FAF2: variants seen among roughly 807,000 people sequenced by gnomAD.
The protein encoded by FAF2 is FAS-associated factor 2.
FAF2 carries 9 observed loss-of-function variants against 62.3 expected under a neutral mutation model. The ratio of observed to expected loss-of-function variants is 0.14; its 90% CI spans 0.09 to 0.25. The LOEUF is 0.25. Ranked by LOEUF, FAF2 falls within the 10% of genes least tolerant of loss-of-function variation. The pLI is 1.00. For missense variants in FAF2, 368 were observed against 556.2 expected (o/e 0.66, Z 3.40); for synonymous variants, 202 against 198.0 (o/e 1.02, Z -0.17).
chr5:176,476,233 C>G (rs1758685565), intron 1 of FAF2, among the ~76,000 whole-genome samples: 2 of 152,020 alleles, frequency 1.3e-5, no homozygotes, highest in Non-Finnish European at 1.5e-5. Flanking sequence ...GCACTCCAGC[C>G]TGGACAACAG....
At chr5:176,459,784 A>G (rs1315984860) in intron 1 of FAF2, among the ~76,000 whole-genome samples, 1 of 152,042 alleles carries the variant, frequency 6.6e-6, no homozygotes, top group African/African-American at 2.4e-5. Flanking sequence ...ACATGAGTAA[A>G]TTATTTGTTG....
At chr5:176,495,426 GT>G (rs1464508826) in intron 7 of FAF2, among the ~76,000 whole-genome samples, 3 of 151,566 alleles carry the variant, frequency 2.0e-5, no homozygotes, top group African/African-American at 7.3e-5. Context: ...TTTAATAGAA[GT>G]TTATAAAATC....
intron 9 of FAF2, 78 bp downstream of exon 9, chr5:176,499,163 A>G (rs2113745995): frequency 1.5e-6 from 2 of 1,348,502 alleles, no homozygotes; most frequent in Admixed American, 2.7e-5. Flanking sequence ...GTGTGAAAGG[A>G]AAAAATGATA....
intron 1 of FAF2, among the ~76,000 whole-genome samples, chr5:176,478,087 G>A (rs1388342047): frequency 2.0e-5 from 3 of 152,228 alleles, no homozygotes; most frequent in East Asian, 3.8e-4. Flanking sequence ...ATTAGACTTT[G>A]AAGGAATGCT....
intron 1 of FAF2, among the ~76,000 whole-genome samples, chr5:176,449,345 G>C (rs1758124204): frequency 1.3e-5 from 2 of 152,198 alleles, no homozygotes; most frequent in South Asian, 4.1e-4. Flanking sequence ...GGGAGGCCAA[G>C]GCCAGCGAAT....
intron 5 of FAF2, among the ~76,000 whole-genome samples, chr5:176,493,529 C>T (rs1759011706): frequency 1.3e-5 from 2 of 152,250 alleles, no homozygotes; most frequent in Non-Finnish European, 2.9e-5. Flanking sequence ...TTGGATCGTA[C>T]AGTCCATCAT....
At chr5:176,448,798 C>CTA (rs1217780272) in intron 1 of FAF2, among the ~76,000 whole-genome samples, 2 of 152,180 alleles carry the variant, frequency 1.3e-5, no homozygotes, top group Non-Finnish European at 2.9e-5. Flanking sequence ...CCCAACGAGT[C>CTA]TATATCTGCC....
chr5:176,460,517 T>C (rs996397880), intron 1 of FAF2, among the ~76,000 whole-genome samples: 10 of 138,676 alleles, frequency 7.2e-5, no homozygotes, highest in Admixed American at 1.4e-4. Context: ...TGGCCGCGTG[T>C]GTGTGTGTGT....
chr5:176,495,692 T>C (rs1369762399), intron 7 of FAF2, among the ~76,000 whole-genome samples: 1 of 151,864 alleles, frequency 6.6e-6, no homozygotes, highest in African/African-American at 2.4e-5. Context: ...TTGTATTTTT[T>C]GTAGAGATGG....
Position 176,470,467 on chromosome 5 carries a change from C to T in FAF2, c.64-8721C>T, listed in dbSNP as rs550694710. ...TGGCGCATGCCTGTAATGCCAGCTA[C>T]GCGGGAGGCTGAGGCAGGAGAATCA... On this transcript the variant is annotated intron_variant, in intron 1 of 10. Transcript: ENST00000261942. 4.6e-5 allele frequency among the ~76,000 whole-genome samples: 7 copies of T among 152,352 alleles called. No homozygotes were observed. In the South Asian group the frequency reaches 1.4e-3, roughly 32 times the overall value.
At chr5:176,497,958 C>T (rs1230274455) in intron 8 of FAF2, among the ~76,000 whole-genome samples, 9 of 151,946 alleles carry the variant, frequency 5.9e-5, no homozygotes, top group East Asian at 1.9e-4. Flanking sequence ...GAGGTCAGCC[C>T]GGGCAACATG....
chr5:176,449,147 C>G (rs886840497), intron 1 of FAF2, among the ~76,000 whole-genome samples: 1 of 152,206 alleles, frequency 6.6e-6, no homozygotes, highest in African/African-American at 2.4e-5. Flanking sequence ...TATGTTAATA[C>G]AAGATGTTGT....
chr5:176,469,645 A>G lies in FAF2; in HGVS notation c.64-9543A>G, dbSNP rs148657811. ...GGGTCAAGAACTTTAAAAATAATGTATATTCTTTGGCTCCAAGTTTTACCT... is the reference window on the plus strand; with the variant it reads ...GGGTCAAGAACTTTAAAAATAATGTGTATTCTTTGGCTCCAAGTTTTACCT... On this transcript the variant is annotated intron_variant, in intron 1 of 10. Coordinates refer to ENST00000261942, the MANE Select transcript of FAF2 (RefSeq NM_014613.3). Among the ~76,000 whole-genome samples the G allele has an allele frequency of 4.8e-3, 734 of 152,330 alleles. 14 individuals are homozygous for G. The highest frequency in any genetic ancestry group is 0.046 in the East Asian group (237 of 5,188).
intron 10 of FAF2, among the ~76,000 whole-genome samples, chr5:176,505,231 T>C (rs1755655705): frequency 6.6e-6 from 1 of 152,194 alleles, no homozygotes; most frequent in Non-Finnish European, 1.5e-5. Flanking sequence ...GGCAGAATTG[T>C]TGTTAGAAGT....
intron 1 of FAF2, among the ~76,000 whole-genome samples, chr5:176,462,187 A>G (rs1381894719): frequency 2.6e-5 from 4 of 151,882 alleles, no homozygotes; most frequent in Non-Finnish European, 4.4e-5. Flanking sequence ...GAGGCGGGAG[A>G]ATTGCTTGAA....
At chr5:176,470,652 A>G (rs1235883978) in intron 1 of FAF2, among the ~76,000 whole-genome samples, 1 of 152,198 alleles carries the variant, frequency 6.6e-6, no homozygotes, top group African/African-American at 2.4e-5. Flanking sequence ...CACACACAAA[A>G]ACTGATAGAA....
chr5:176,463,815 C>T (rs1376810811), intron 1 of FAF2, among the ~76,000 whole-genome samples: 6 of 151,138 alleles, frequency 4.0e-5, no homozygotes, highest in African/African-American at 1.2e-4. Flanking sequence ...CTGCAACCTC[C>T]GCCTCCCGGG....
chr5:176,452,714 A>G (rs1434945971), intron 1 of FAF2, among the ~76,000 whole-genome samples: 3 of 152,246 alleles, frequency 2.0e-5, no homozygotes, highest in African/African-American at 7.2e-5. Context: ...GAAAGTGGAC[A>G]ATAAGACTAG....
intron 7 of FAF2, among the ~76,000 whole-genome samples, chr5:176,496,008 A>G (rs1755463785): frequency 6.6e-6 from 1 of 152,118 alleles, no homozygotes; most frequent in Non-Finnish European, 1.5e-5. Flanking sequence ...TACAGGGAAA[A>G]ACTGTGCCAG....
Sources: gnomAD v4.1 joint callset for allele counts (sites outside exome capture counted in the v4.1 genomes callset) on GRCh38, gnomAD v4.1.1 for gene constraint, MANE v1.5 for transcripts, NCBI Gene and HGNC (gene_info 2026-07-23, HGNC 2026-07-21) for gene names.